The following FYB1 variants were observed in gnomAD, a reference collection of about 807,000 sequenced individuals.
FYB1 encodes the protein FYN-binding protein 1.
A neutral mutation model predicts 94.1 loss-of-function variants in FYB1; 41 were observed. The observed-to-expected ratio is 0.44, with a 90% CI of 0.34 to 0.57. FYB1 has a LOEUF of 0.57. Among genes scored for constraint, FYB1 ranks in the 20% least tolerant of loss-of-function variants. The pLI, the probability that FYB1 is intolerant of heterozygous loss-of-function variation, is 0.02. For missense variants in FYB1, 1,050 were observed against 976.8 expected, an observed-to-expected ratio of 1.07 and a Z score of -1.00; for synonymous variants, 367 against 353.2, an observed-to-expected ratio of 1.04 and a Z score of -0.44.
In FYB1 at chr5:39,118,965, G is replaced by A; in HGVS notation, c.2310C>T (p.Thr770=). The A allele has an allele frequency of 6.4e-7, 1 of 1,567,750 alleles. No homozygotes were observed. Among genetic ancestry groups the A allele is most frequent in the South Asian group, 1.2e-5 (1 of 85,084 alleles). Residue 770 remains threonine, a synonymous_variant, in exon 16 of 19, where the codon ACC becomes ACT. Coordinates refer to ENST00000512982, the MANE Select transcript of FYB1 (RefSeq NM_001465.6). ...CACCAGGTTTTACCTGTAGATCTCT[G>A]GTTCCCCACTTTTTAGAAGTTATGG... The part of the protein sequence containing the change: ...TTSITSKKWG[T]RDLQVKPGES...
At chr5:39,259,098 A>G (rs1045375612) in intron 1 of FYB1, among the ~76,000 whole-genome samples, 8 of 152,200 alleles carry the variant, frequency 5.3e-5, no homozygotes, top group East Asian at 1.9e-4. Context: ...GGGCCATTCT[A>G]TCACATCTGA....
intron 2 of FYB1, among the ~76,000 whole-genome samples, chr5:39,191,151 T>C (rs974531421): frequency 6.6e-6 from 1 of 152,220 alleles, no homozygotes; most frequent in Non-Finnish European, 1.5e-5. Flanking sequence ...TGCCATTTTT[T>C]GGGGACAGAT....
chr5:39,243,398 A>C (rs1751310547), intron 1 of FYB1, among the ~76,000 whole-genome samples: 1 of 151,502 alleles, frequency 6.6e-6, no homozygotes, highest in Non-Finnish European at 1.5e-5. Context: ...TAAATAGGGA[A>C]TGCTTTCCCC....
chr5:39,121,412 ACT>A (rs1740086790), intron 14 of FYB1, among the ~76,000 whole-genome samples: 1 of 151,990 alleles, frequency 6.6e-6, no homozygotes, highest in Admixed American at 6.6e-5. Flanking sequence ...TGATTTTGAT[ACT>A]CTCTCTAGTT....
rs371989518 is a variant in FYB1, at chr5:39,263,658, G to A, written c.-28+10745C>T. On this transcript the variant is annotated intron_variant, in intron 1 of 1. Coordinates refer to the FYB1 transcript ENST00000510188. ...TCCCTGGGACACCAGTTCTCAACTG[G>A]GGCTTCCATCATGGCCTACAGTTTA... Among the ~76,000 whole-genome samples the A allele has an allele frequency of 2.6e-5, 4 of 152,214 alleles. No homozygotes were observed. The East Asian group carries it at 7.7e-4, about 29-fold the overall frequency.
intron 2 of FYB1, among the ~76,000 whole-genome samples, chr5:39,185,817 G>A (rs1259498066): frequency 1.3e-5 from 2 of 152,104 alleles, no homozygotes; most frequent in Admixed American, 6.5e-5. Flanking sequence ...TGAGGGTTCC[G>A]CACTCAGAGA....
At chr5:39,172,462 A>G in intron 2 of FYB1, among the ~76,000 whole-genome samples, 1 of 151,990 alleles carries the variant, frequency 6.6e-6, no homozygotes. Context: ...AAAAAATAGT[A>G]ATTTCAACTT....
chr5:39,214,287 G>A (rs2150533578), intron 1 of FYB1, among the ~76,000 whole-genome samples: 1 of 152,316 alleles, frequency 6.6e-6, no homozygotes, highest in Middle Eastern at 3.4e-3. Context: ...GTGCACTGCT[G>A]GTGGGAACAT....
chr5:39,140,993 A>T (rs1742124433), intron 4 of FYB1, 102 bp downstream of exon 4: 1 of 763,998 alleles, frequency 1.3e-6, no homozygotes, highest in Admixed American at 2.3e-5. Flanking sequence ...TGCACAGACC[A>T]GTGATGATAA....
At chr5:39,234,796 A>C (rs1440018828) in intron 1 of FYB1, among the ~76,000 whole-genome samples, 1 of 152,124 alleles carries the variant, frequency 6.6e-6, no homozygotes, top group Non-Finnish European at 1.5e-5. Context: ...AGGAACAGAA[A>C]ACCAAACACC....
intron 2 of FYB1, among the ~76,000 whole-genome samples, chr5:39,197,715 G>A (rs545076971): frequency 1.8e-4 from 27 of 152,242 alleles, no homozygotes; most frequent in Non-Finnish European, 3.7e-4. Context: ...GCTTGGCTGA[G>A]TCAGATGCCT....
chr5:39,255,976 T>G (rs1358027307), intron 1 of FYB1, among the ~76,000 whole-genome samples: 1 of 152,258 alleles, frequency 6.6e-6, no homozygotes, highest in Non-Finnish European at 1.5e-5. Context: ...TTGTTTCCAC[T>G]GATGATCTAG....
chr5:39,153,800 G>T (rs1218171335), intron 2 of FYB1, among the ~76,000 whole-genome samples, 196 bp from the exon 3 acceptor site: 2 of 152,030 alleles, frequency 1.3e-5, no homozygotes, highest in Non-Finnish European at 1.5e-5. Context: ...GTGAGACAGG[G>T]TCTAGCTCTG....
intron 3 of FYB1, among the ~76,000 whole-genome samples, chr5:39,142,292 C>T (rs910106714): frequency 3.3e-5 from 5 of 152,130 alleles, no homozygotes; most frequent in African/African-American, 1.2e-4. Context: ...TTCCTCTCCA[C>T]TCCCCTATAA....
At chr5:39,164,929 C>G (rs1203894724) in intron 2 of FYB1, among the ~76,000 whole-genome samples, 3 of 152,174 alleles carry the variant, frequency 2.0e-5, no homozygotes, top group Non-Finnish European at 2.9e-5. Flanking sequence ...GAATTGCCAA[C>G]AAAGAAGGCA....
At position 39,134,252 on chromosome 5, in the gene FYB1, G is replaced by A; in HGVS notation, c.1773C>T (p.Asp591=). ...CTGCAACATCATCATATACTTCTTG[G>A]TCATCTTCAATAGGTCTTGAAGGGG... ...LGAPSRPIED[D]QEVYDDVAEQ... Residue 591 remains aspartate, a synonymous_variant, in exon 9 of 19, where the codon GAC becomes GAT. Coordinates refer to ENST00000512982, the MANE Select transcript of FYB1 (RefSeq NM_001465.6). The A allele has an allele frequency of 6.2e-7, 1 of 1,612,420 alleles. No individual in the cohort carries two copies. The highest frequency in any genetic ancestry group is 8.5e-7 in the Non-Finnish European group (1 of 1,178,772).
At chr5:39,273,831 A>G (rs1268158351) in intron 1 of FYB1, among the ~76,000 whole-genome samples, 1 of 152,182 alleles carries the variant, frequency 6.6e-6, no homozygotes, top group African/African-American at 2.4e-5. Flanking sequence ...TTTTAAACTC[A>G]TCTTGCAAGT....
intron 10 of FYB1, among the ~76,000 whole-genome samples, 174 bp from the exon 11 acceptor site, chr5:39,127,981 T>C (rs1314337530): frequency 6.6e-6 from 1 of 152,052 alleles, no homozygotes; most frequent in Non-Finnish European, 1.5e-5. Flanking sequence ...TTCTTAGGGG[T>C]GAAATTACAA....
intron 1 of FYB1, chr5:39,213,134 T>A (rs1749566572): frequency 6.6e-6 from 1 of 152,174 alleles, no homozygotes; most frequent in Admixed American, 6.5e-5. Context: ...AATCACATTT[T>A]AAAATAACAT....
Sources: gnomAD v4.1 joint callset for allele counts (sites outside exome capture counted in the v4.1 genomes callset) on GRCh38, gnomAD v4.1.1 for gene constraint, MANE v1.5 for transcripts, NCBI Gene and HGNC (gene_info 2026-07-23, HGNC 2026-07-21) for gene names.